The following AIG1 variants were observed in gnomAD, a reference collection of about 807,000 sequenced individuals.
AIG1 encodes androgen induced 1.
AIG1 carries 23 observed loss-of-function variants against 31.4 expected under a neutral mutation model. That is an observed-to-expected ratio of 0.73 (90% CI 0.53 to 1.04). AIG1 has a LOEUF of 1.04. Among genes scored for constraint, AIG1 ranks in the 50% least tolerant of loss-of-function variants. The pLI is 0.00. For missense variants in AIG1, 274 were observed against 295.0 expected, an observed-to-expected ratio of 0.93 and a Z score of 0.52; for synonymous variants, 100 against 110.5, an observed-to-expected ratio of 0.90 and a Z score of 0.60.
intron 3 of AIG1, among the ~76,000 whole-genome samples, chr6:143,259,688 C>A (rs548913665): frequency 2.6e-4 from 39 of 152,246 alleles, no homozygotes; most frequent in East Asian, 2.1e-3. Flanking sequence ...TGGGAACGTA[C>A]CCCCAAACTT....
At chr6:143,322,768 G>A (rs1190670840) in intron 4 of AIG1, among the ~76,000 whole-genome samples, 1 of 152,188 alleles carries the variant, frequency 6.6e-6, no homozygotes, top group African/African-American at 2.4e-5. Context: ...TTAGAATCAG[G>A]AAGAAAGCAC....
At chr6:143,302,057 A>G (rs1427534641) in intron 4 of AIG1, among the ~76,000 whole-genome samples, 1 of 152,186 alleles carries the variant, frequency 6.6e-6, no homozygotes, top group Non-Finnish European at 1.5e-5. Flanking sequence ...GGTGACTAGA[A>G]TAGTTTCATT....
intron 3 of AIG1, among the ~76,000 whole-genome samples, chr6:143,239,783 C>T (rs905752209): frequency 6.6e-6 from 1 of 152,116 alleles, no homozygotes; most frequent in African/African-American, 2.4e-5. Flanking sequence ...AGAAGTTGGG[C>T]AGAGGGTGGC....
chr6:143,133,474 C>T (rs766417679), intron 1 of AIG1, among the ~76,000 whole-genome samples: 2 of 152,114 alleles, frequency 1.3e-5, no homozygotes, highest in African/African-American at 2.4e-5. Context: ...CAAAGACATT[C>T]ACCTTTGTGT....
chr6:143,115,549 C>T (rs975910600), intron 1 of AIG1, among the ~76,000 whole-genome samples: 1 of 152,172 alleles, frequency 6.6e-6, no homozygotes, highest in African/African-American at 2.4e-5. Context: ...CAGCCTGTTT[C>T]TTATATTGAC....
intron 4 of AIG1, among the ~76,000 whole-genome samples, chr6:143,314,854 A>G (rs1341362915): frequency 6.6e-6 from 1 of 152,166 alleles, no homozygotes. Context: ...AATCTGATTG[A>G]TTTTCAATGT....
chr6:143,310,331 A>G (rs568301024), intron 4 of AIG1, among the ~76,000 whole-genome samples: 1 of 152,074 alleles, frequency 6.6e-6, no homozygotes, highest in African/African-American at 2.4e-5. Flanking sequence ...AGAAATCAAT[A>G]AAAGAAAAAT....
intron 3 of AIG1, among the ~76,000 whole-genome samples, chr6:143,165,470 G>T (rs1330785387): frequency 6.6e-6 from 1 of 152,176 alleles, no homozygotes; most frequent in Non-Finnish European, 1.5e-5. Context: ...ATTCTGGGAT[G>T]AATTTAATTT....
intron 1 of AIG1, among the ~76,000 whole-genome samples, chr6:143,091,355 G>A (rs1049746878): frequency 1.3e-5 from 2 of 152,148 alleles, no homozygotes; most frequent in African/African-American, 4.8e-5. Flanking sequence ...CTGGTGTTTA[G>A]CTATGTATAG....
At chr6:143,122,606 G>A (rs1033958763) in intron 1 of AIG1, among the ~76,000 whole-genome samples, 4 of 151,838 alleles carry the variant, frequency 2.6e-5, no homozygotes, top group Admixed American at 6.6e-5. Flanking sequence ...CTTTCTATTC[G>A]ATTCTAATTT....
intron 3 of AIG1, among the ~76,000 whole-genome samples, chr6:143,274,531 T>G (rs1045217876): frequency 6.6e-6 from 1 of 152,232 alleles, no homozygotes; most frequent in African/African-American, 2.4e-5. Flanking sequence ...CAAGATCCTA[T>G]ACATGCAACC....
chr6:143,236,695 T>C (rs533810099), intron 3 of AIG1, among the ~76,000 whole-genome samples: 30 of 152,314 alleles, frequency 2.0e-4, no homozygotes, highest in Admixed American at 7.8e-4. Context: ...CTTAGCTTTT[T>C]TCCTCTTCAA....
At position 143,284,289 on chromosome 6, in the gene AIG1, A is replaced by G. The variant is rs1264912862; in HGVS notation, c.515+64A>G. On this transcript the variant is annotated intron_variant, in intron 4 of 5. Coordinates refer to ENST00000357847, the MANE Select transcript of AIG1 (RefSeq NM_016108.4). The surrounding 1 kb of genome is among the most constrained non-coding windows in gnomAD (Gnocchi z 4.4). ...ATTTTGCACTGCTAAATTTGGGCACATATTTCATTATGGATATAATCACTA... is the reference window on the plus strand; with the variant it reads ...ATTTTGCACTGCTAAATTTGGGCACGTATTTCATTATGGATATAATCACTA... 1.7e-6 allele frequency: 2 copies of G among 1,146,636 alleles called. No individual in the cohort carries two copies. The highest frequency in any genetic ancestry group is 2.6e-6 in the Non-Finnish European group (2 of 775,714). The allele number at this position is 1,146,636 out of a possible 1,614,324, so 71.0% of individuals were successfully genotyped here. A position where few individuals can be genotyped will look rare whatever the true frequency, so the allele number is the denominator to read the frequency against.
intron 2 of AIG1, among the ~76,000 whole-genome samples, chr6:143,140,502 A>G (rs1035358327): frequency 1.3e-5 from 2 of 152,106 alleles, no homozygotes; most frequent in Non-Finnish European, 2.9e-5. Flanking sequence ...AGGGTCTAGA[A>G]TCCTGCTGTA....
intron 1 of AIG1, among the ~76,000 whole-genome samples, chr6:143,114,047 T>G (rs1781534911): frequency 6.6e-6 from 1 of 152,210 alleles, no homozygotes; most frequent in Non-Finnish European, 1.5e-5. Context: ...GTGCTAGGAT[T>G]ACAGGTGTGA....
intron 2 of AIG1, among the ~76,000 whole-genome samples, chr6:143,138,750 G>A (rs962054620): frequency 7.9e-5 from 12 of 151,854 alleles, no homozygotes; most frequent in African/African-American, 2.4e-4. Context: ...AAAATGAGCC[G>A]GGCGTGGTGG....
rs1199853915 is a variant in AIG1 at position 143,304,057 on chromosome 6, G to C, written c.515+19832G>C. Among the ~76,000 whole-genome samples, 6 of 136,592 alleles carry C rather than the reference G, an allele frequency of 4.4e-5. 1 individual carries two copies. The highest frequency in any genetic ancestry group is 2.4e-4 in the South Asian group (1 of 4,122). 89.6% of individuals were successfully genotyped at this position (136,592 alleles called of 152,430 possible). On this transcript the variant is annotated intron_variant, in intron 4 of 5. Coordinates refer to ENST00000357847, the MANE Select transcript of AIG1 (RefSeq NM_016108.4). ...GTTATTGGTGTATAAGAATGCTTGT[G>C]TTTTTGTGCATTGATTTTGTATCCT...
intron 3 of AIG1, among the ~76,000 whole-genome samples, chr6:143,179,887 G>A (rs79858323): frequency 0.011 from 1,729 of 152,160 alleles, 30 homozygotes; most frequent in African/African-American, 0.039. Flanking sequence ...ATCAAAAATC[G>A]TTCTCTCCTT....
intron 3 of AIG1, among the ~76,000 whole-genome samples, chr6:143,223,232 T>G (rs527519375): frequency 6.6e-6 from 1 of 152,302 alleles, no homozygotes; most frequent in East Asian, 1.9e-4. Context: ...TGGTTAGAGA[T>G]GCAGATTCTC....
Sources: allele counts gnomAD v4.1 joint callset (sites outside exome capture counted in the v4.1 genomes callset), GRCh38; gene constraint gnomAD v4.1.1; non-coding constraint Gnocchi (gnomAD v3.1); transcripts MANE v1.5; gene names NCBI Gene and HGNC (gene_info 2026-07-23, HGNC 2026-07-21).